The following MAST4 variants were observed in gnomAD, a reference collection of about 807,000 sequenced individuals.
MAST4 encodes the protein microtubule associated serine/threonine kinase family member 4, also known as microtubule-associated serine/threonine-protein kinase 4.
In MAST4, 89 loss-of-function variants were observed where a neutral mutation model predicts 162.7. That is an observed-to-expected ratio of 0.55 (90% confidence interval 0.46 to 0.65). The LOEUF is 0.65. MAST4 is among the 30% of genes least tolerant of loss of function. The probability of loss-of-function intolerance (pLI) is 0.00; values close to 1 mark genes in which losing one functional copy is unlikely to be tolerated. For missense variants in MAST4, 3,153 were observed against 3,374.0 expected (o/e 0.93, Z 1.62); for synonymous variants, 1,479 against 1,361.1 (o/e 1.09, Z -1.91).
chr5:66,756,194 T>G (rs557341973), intron 1 of MAST4, among the ~76,000 whole-genome samples: 2 of 152,346 alleles, frequency 1.3e-5, no homozygotes, highest in African/African-American at 4.8e-5. Context: ...AAAGGAATCC[T>G]TCCAAATTTT....
chr5:66,895,414 T>C (rs995746615), intron 3 of MAST4, among the ~76,000 whole-genome samples: 1 of 152,150 alleles, frequency 6.6e-6, no homozygotes, highest in South Asian at 2.1e-4. Context: ...CTTCCAGCCT[T>C]AACCTTTTTC....
intron 2 of MAST4, among the ~76,000 whole-genome samples, chr5:66,771,606 C>T (rs1212853144): frequency 6.6e-6 from 1 of 152,178 alleles, no homozygotes; most frequent in Admixed American, 6.5e-5. Flanking sequence ...CCCCCACTCC[C>T]CTGCTCATTT....
intron 5 of MAST4, among the ~76,000 whole-genome samples, chr5:67,089,093 T>C (rs971305919): frequency 1.3e-5 from 2 of 152,262 alleles, no homozygotes; most frequent in African/African-American, 2.4e-5. Flanking sequence ...AATGTGGCAA[T>C]TGGCTTGCCC....
intron 1 of MAST4, among the ~76,000 whole-genome samples, chr5:66,669,955 G>C (rs1268119870): frequency 6.6e-6 from 1 of 152,220 alleles, no homozygotes; most frequent in African/African-American, 2.4e-5. Context: ...TTGAATGTCT[G>C]TCTGGCATTC....
intron 1 of MAST4, among the ~76,000 whole-genome samples, chr5:66,672,220 T>C (rs1212484866): frequency 6.6e-6 from 1 of 152,248 alleles, no homozygotes; most frequent in Non-Finnish European, 1.5e-5. Flanking sequence ...CATGTGTGCA[T>C]ATATGCATAA....
At chr5:67,087,857 TGTG>T (rs1351692060) in intron 5 of MAST4, among the ~76,000 whole-genome samples, 9 of 152,204 alleles carry the variant, frequency 5.9e-5, no homozygotes, top group Non-Finnish European at 1.0e-4. Context: ...AAGTTGAAGA[TGTG>T]GGAATTTAAG....
At chr5:66,685,296 C>CAA (rs1748581461) in intron 1 of MAST4, among the ~76,000 whole-genome samples, 1 of 150,968 alleles carries the variant, frequency 6.6e-6, no homozygotes, top group African/African-American at 2.4e-5. Context: ...CAAAACAAAA[C>CAA]AAAACAAAAC....
At chr5:66,793,243 T>C (rs763298202) in intron 3 of MAST4, among the ~76,000 whole-genome samples, 2 of 152,240 alleles carry the variant, frequency 1.3e-5, no homozygotes, top group Non-Finnish European at 2.9e-5. Context: ...AAATGGCATG[T>C]TGCCAGTTCA....
chr5:67,065,386 T>C (rs1348527123), intron 5 of MAST4, among the ~76,000 whole-genome samples: 1 of 152,204 alleles, frequency 6.6e-6, no homozygotes, highest in Non-Finnish European at 1.5e-5. Context: ...ATCTCTGAAT[T>C]TGAGTTAGAA....
chr5:66,729,842 G>A (rs1198759399), intron 1 of MAST4, among the ~76,000 whole-genome samples: 1 of 152,152 alleles, frequency 6.6e-6, no homozygotes, highest in East Asian at 1.9e-4. Context: ...ATTAATAAGT[G>A]CTGAGTTTCA....
chr5:66,996,121 TA>T (rs1750612373), intron 4 of MAST4, among the ~76,000 whole-genome samples: 1 of 151,844 alleles, frequency 6.6e-6, no homozygotes. Flanking sequence ...CTACTAAAAA[TA>T]CACAAAATTA....
At chr5:66,735,424 A>G (rs1367349190) in intron 1 of MAST4, among the ~76,000 whole-genome samples, 2 of 152,212 alleles carry the variant, frequency 1.3e-5, no homozygotes, top group Non-Finnish European at 2.9e-5. Context: ...ATATGAACAT[A>G]TGTATTTTGT....
intron 2 of MAST4, among the ~76,000 whole-genome samples, chr5:66,770,650 G>C (rs1434582474): frequency 2.6e-5 from 4 of 152,198 alleles, no homozygotes; most frequent in Admixed American, 2.6e-4. Flanking sequence ...TAAGGAAAGA[G>C]GCTGAATGAG....
chr5:67,087,692 C>A (rs1763397641), intron 5 of MAST4, among the ~76,000 whole-genome samples: 1 of 152,160 alleles, frequency 6.6e-6, no homozygotes, highest in Admixed American at 6.5e-5. Flanking sequence ...TCTCTAATAT[C>A]CTCTGACAGT....
At chr5:66,985,078 C>T (rs1749328086) in intron 4 of MAST4, among the ~76,000 whole-genome samples, 1 of 152,104 alleles carries the variant, frequency 6.6e-6, no homozygotes, top group Admixed American at 6.5e-5. Context: ...AGCTTCAGGA[C>T]AGATTCCTGA....
intron 3 of MAST4, among the ~76,000 whole-genome samples, chr5:66,848,215 T>G (rs532528634): frequency 2.6e-5 from 4 of 152,310 alleles, no homozygotes; most frequent in African/African-American, 9.6e-5. Context: ...CTTTCTAAAA[T>G]GTCTTGCTTT....
At chr5:66,787,385 G>T (rs906450619) in intron 2 of MAST4, among the ~76,000 whole-genome samples, 17 of 152,302 alleles carry the variant, frequency 1.1e-4, no homozygotes, top group African/African-American at 3.8e-4. Context: ...TCTGGCAAAA[G>T]AAGCCATTTT....
chr5:67,100,275 C>T (rs1764885609), intron 7 of MAST4, among the ~76,000 whole-genome samples, 160 bp from the exon 8 acceptor site: 1 of 152,130 alleles, frequency 6.6e-6, no homozygotes, highest in South Asian at 2.1e-4. Context: ...TGAGAGAGAA[C>T]ATCAAGTTAT....
At chr5:66,954,768 A>G (rs57397249) in intron 4 of MAST4, among the ~76,000 whole-genome samples, 10,237 of 151,944 alleles carry the variant, frequency 0.067, 1,076 homozygotes, top group African/African-American at 0.23. Flanking sequence ...GCGTGTGATG[A>G]CATGTGCCTG....
Sources: allele counts gnomAD v4.1 joint callset (sites outside exome capture counted in the v4.1 genomes callset), GRCh38; gene constraint gnomAD v4.1.1; transcripts MANE v1.5; gene names NCBI Gene and HGNC (gene_info 2026-07-23, HGNC 2026-07-21).